Variants in CIP2A observed in about 807,000 individuals in gnomAD.
The protein encoded by CIP2A is protein CIP2A.
A neutral mutation model predicts 110.9 loss-of-function variants in CIP2A; 103 were observed. That is an observed-to-expected ratio of 0.93 (90% confidence interval 0.79 to 1.09). The LOEUF (loss-of-function observed/expected upper bound fraction) is 1.09, where lower values mean the gene tolerates loss of function less well. Ranked by LOEUF, CIP2A falls within the 50% of genes least tolerant of loss-of-function variation. The pLI, the probability that CIP2A is intolerant of heterozygous loss-of-function variation, is 0.00. For synonymous variants in CIP2A, 381 were observed against 361.6 expected, an observed-to-expected ratio of 1.05 and a Z score of -0.61; for missense variants, 1,088 against 1,038.4, an observed-to-expected ratio of 1.05 and a Z score of -0.66.
chr3:108,589,160 G>A (rs1939215733), intron 1 of CIP2A, 114 bp downstream of exon 1: 1 of 726,940 alleles, frequency 1.4e-6, no homozygotes, highest in Non-Finnish European at 2.4e-6. Context: ...GACAACAGAG[G>A]GATCGAAGGA....
Position 108,557,105 on chromosome 3 carries a change from T to G in CIP2A, c.2210+113A>C. 5.1e-6 allele frequency: 3 copies of G among 591,830 alleles called. No homozygotes were observed. The South Asian group carries it at 9.8e-5, about 19-fold the overall frequency. The allele number at this position is 591,830 out of a possible 1,614,324, so 36.7% of individuals were successfully genotyped here. A position where few individuals can be genotyped will look rare whatever the true frequency, so the allele number is the denominator to read the frequency against. On this transcript the variant is annotated intron_variant, in intron 17 of 20. Coordinates refer to ENST00000295746, the MANE Select transcript of CIP2A (RefSeq NM_020890.3). Reference sequence around the variant, plus strand: ...AGTTTCTTGCTAATTACTTACCTCATGTGTTATCAGAATATATGAAATGCT... The same window carrying G: ...AGTTTCTTGCTAATTACTTACCTCAGGTGTTATCAGAATATATGAAATGCT...
rs899305513 is a variant in CIP2A, at chr3:108,550,258, T to C, written c.*891A>G. 8.6e-5 allele frequency: 13 copies of C among 151,500 alleles called. No homozygotes were observed. Among genetic ancestry groups the C allele is most frequent in the Non-Finnish European group, 1.6e-4 (11 of 67,684 alleles). The allele number at this position is 151,500 out of a possible 1,614,324, so 9.4% of individuals were successfully genotyped here. A position where few individuals can be genotyped will look rare whatever the true frequency, so the allele number is the denominator to read the frequency against. ...ATTTAACCTATGCTTTAAAATTAAA[T>C]GAACCAATTAAAAACTATTAGGACA... is the stretch of plus-strand genomic sequence containing the variant. On this transcript the variant is annotated 3_prime_UTR_variant, in exon 21 of 21. Transcript: ENST00000295746.
chr3:108,577,378 A>C (rs1332611013), intron 7 of CIP2A, among the ~76,000 whole-genome samples: 1 of 152,174 alleles, frequency 6.6e-6, no homozygotes, highest in Non-Finnish European at 1.5e-5. Flanking sequence ...GAGAGGAGCA[A>C]CTGCTTCAGA....
At position 108,569,897 on chromosome 3, in the gene CIP2A, T is replaced by G. The variant is rs898656084; in HGVS notation, c.895-290A>C. On this transcript the variant is annotated intron_variant, in intron 8 of 20. Coordinates refer to ENST00000295746, the MANE Select transcript of CIP2A (RefSeq NM_020890.3). ...TCCCACTCCTTCCATAGTACTTAAATTATTTTTAAACAGAAACCTGTTTTG... is the reference window on the plus strand; with the variant it reads ...TCCCACTCCTTCCATAGTACTTAAAGTATTTTTAAACAGAAACCTGTTTTG... Among the ~76,000 whole-genome samples the G allele has an allele frequency of 5.9e-5, 9 of 152,026 alleles. 1 individual carries two copies. The South Asian group carries it at 6.2e-4, about 10-fold the overall frequency.
intron 2 of CIP2A, chr3:108,584,805 A>C: frequency 3.3e-6 from 1 of 307,250 alleles, no homozygotes; most frequent in East Asian, 5.4e-5. Context: ...TTAAGAACTA[A>C]AGAAATGGGG....
chr3:108,576,393 A>T lies in CIP2A; in HGVS notation c.819-47T>A, dbSNP rs781167758. 10 of 996,888 alleles carry T rather than the reference A, an allele frequency of 1.0e-5. No individual in the cohort carries two copies. The African/African-American group carries it at 1.3e-4, about 13-fold the overall frequency. 61.8% of individuals were successfully genotyped at this position (996,888 alleles called of 1,614,324 possible). On this transcript the variant is annotated intron_variant, in intron 7 of 20. Coordinates refer to ENST00000295746, the MANE Select transcript of CIP2A (RefSeq NM_020890.3). ...ACATCAAATGATAAATATAAAATTG[A>T]TACATCAAAAGGGATTTATCTACAA...
chr3:108,557,157 A>G (rs1937836045), intron 17 of CIP2A, 61 bp downstream of exon 17: 6 of 1,108,090 alleles, frequency 5.4e-6, no homozygotes, highest in Non-Finnish European at 7.6e-6. Flanking sequence ...GGTCTCAGAA[A>G]AGAAATGCTG....
chr3:108,576,261 T>C lies in CIP2A; in HGVS notation c.894+10A>G. Reference sequence around the variant, plus strand: ...TAAAAGTTTAAATGAAAAGTCATGTTTTTACATACCTTTGAAGAGGAATCA... The same window carrying C: ...TAAAAGTTTAAATGAAAAGTCATGTCTTTACATACCTTTGAAGAGGAATCA... On this transcript the variant is annotated intron_variant, in intron 8 of 20. Transcript: ENST00000295746. 6.6e-7 allele frequency: 1 copy of C among 1,506,138 alleles called. No homozygotes were observed. Among genetic ancestry groups the C allele is most frequent in the South Asian group, 1.3e-5 (1 of 77,436 alleles). 93.3% of individuals were successfully genotyped at this position (1,506,138 alleles called of 1,614,324 possible).
At chr3:108,573,458 TA>T (rs1486689033) in intron 8 of CIP2A, among the ~76,000 whole-genome samples, 6 of 152,022 alleles carry the variant, frequency 3.9e-5, no homozygotes, top group South Asian at 4.1e-4. Flanking sequence ...TATTTATTTT[TA>T]TTTTTTTACT....
In CIP2A at chr3:108,552,362, T is replaced by G; in HGVS notation, c.2419A>C (p.Lys807Gln). The G allele has an allele frequency of 1.3e-6, 2 of 1,530,874 alleles. No individual in the cohort carries two copies. The highest frequency in any genetic ancestry group is 2.4e-5 in the South Asian group (2 of 81,690). 94.8% of individuals were successfully genotyped at this position (1,530,874 alleles called of 1,614,324 possible). ...REHKLANLHQ[K>Q]TKVQEEKIKT... The stretch of plus-strand genomic sequence containing the variant: ...ATCTTTTCTTCTTGTACTTTTGTTT[T>G]TTGATGCAAATCTTAAAAGAAAAAA... Residue 807 changes from lysine (K) to glutamine (Q), a missense_variant, in exon 20 of 21, where the codon AAA becomes CAA. Coordinates refer to ENST00000295746, the MANE Select transcript of CIP2A (RefSeq NM_020890.3).
At position 108,568,152 on chromosome 3, in the gene CIP2A, TA is replaced by T. The variant is rs778003471; in HGVS notation, c.1273+2del. 1 of 1,610,320 alleles carries T rather than the reference TA, an allele frequency of 6.2e-7. No individual in the cohort carries two copies. Among genetic ancestry groups the T allele is most frequent in the South Asian group, 1.1e-5 (1 of 90,926 alleles). ...TTTTCACGTTAATGACAGTAAAGGATATTTAACAAAACTTCAATGGCCTTGG... is the reference window on the plus strand; with the variant it reads ...TTTTCACGTTAATGACAGTAAAGGATTTTAACAAAACTTCAATGGCCTTGG... On this transcript the variant is annotated splice_donor_variant, in intron 10 of 20. Coordinates refer to ENST00000295746, the MANE Select transcript of CIP2A (RefSeq NM_020890.3). LOFTEE classifies it high-confidence loss of function.
chr3:108,559,718 T>C, intron 16 of CIP2A, 39 bp downstream of exon 16: 1 of 1,227,354 alleles, frequency 8.1e-7, no homozygotes, highest in East Asian at 2.5e-5. Flanking sequence ...TACTTATTAA[T>C]TTTTCTACAA....
chr3:108,554,516 A>G (rs771573969), intron 17 of CIP2A, 27 bp from the exon 18 acceptor site: 2 of 946,748 alleles, frequency 2.1e-6, no homozygotes, highest in Non-Finnish European at 3.3e-6. Flanking sequence ...ATGAGTTGGC[A>G]TCATTATGGA....
chr3:108,551,369 T>C, intron 20 of CIP2A, 50 bp from the exon 21 acceptor site: 2 of 1,400,592 alleles, frequency 1.4e-6, no homozygotes, highest in Non-Finnish European at 1.9e-6. Context: ...GAAAAATAAC[T>C]TTAATGTTTT....
chr3:108,560,165 AAGTCAC>A, intron 14 of CIP2A, 137 bp from the exon 15 acceptor site: 1 of 598,406 alleles, frequency 1.7e-6, no homozygotes, highest in Non-Finnish European at 3.0e-6. Context: ...TACATCAGGT[AAGTCAC>A]AAATATTTCT....
In CIP2A at chr3:108,585,123, T is replaced by C. The variant is rs1349581507; in HGVS notation, c.192A>G (p.Glu64=). Residue 64 remains glutamate, a synonymous_variant, in exon 2 of 21, where the codon GAA becomes GAG. Coordinates refer to ENST00000295746, the MANE Select transcript of CIP2A (RefSeq NM_020890.3). ...ECLSCLVELL[E]DPNISASLIL... is the part of the protein sequence containing the mutation. ...TCAGTGAAGCACTTATGTTGGGGTC[T>C]TCAAGTAGCTCTACAAGGCAACTCA... The C allele has an allele frequency of 6.2e-7, 1 of 1,613,536 alleles. No individual in the cohort carries two copies. Among genetic ancestry groups the C allele is most frequent in the African/African-American group, 1.3e-5 (1 of 74,930 alleles).
In CIP2A at chr3:108,565,474, T is replaced by C; in HGVS notation, c.1416-20A>G. 1 of 1,354,900 alleles carries C rather than the reference T, an allele frequency of 7.4e-7. No homozygotes were observed. Among genetic ancestry groups the C allele is most frequent in the Non-Finnish European group, 1.0e-6 (1 of 968,642 alleles). The allele number at this position is 1,354,900 out of a possible 1,614,324, so 83.9% of individuals were successfully genotyped here. ...AGTTTGCTTTAAAGATAAATCACAT[T>C]TAAATTAGATAACTGAAAAATTTCT... On this transcript the variant is annotated intron_variant, in intron 11 of 20. Coordinates refer to ENST00000295746, the MANE Select transcript of CIP2A (RefSeq NM_020890.3).
rs749420545 is a variant in CIP2A, at chr3:108,560,043, T to C, written c.1828-15A>G. On this transcript the variant is annotated splice_polypyrimidine_tract_variant and intron_variant, in intron 14 of 20. Coordinates refer to ENST00000295746, the MANE Select transcript of CIP2A (RefSeq NM_020890.3). ...TGATCCTTTACCTACATTTTAAGAG[T>C]AAAAAAACTTAAAATTTTAATAAAA... 7.0e-7 allele frequency: 1 copy of C among 1,430,412 alleles called. No individual in the cohort carries two copies. Among genetic ancestry groups the C allele is most frequent in the Admixed American group, 1.9e-5 (1 of 51,530 alleles). 88.6% of individuals were successfully genotyped at this position (1,430,412 alleles called of 1,614,324 possible). A position where few individuals can be genotyped will look rare whatever the true frequency, so the allele number is the denominator to read the frequency against.
rs1938261471 is a variant in CIP2A at position 108,568,424 on chromosome 3, A to G, written c.1114-110T>C. On this transcript the variant is annotated intron_variant, in intron 9 of 20. Transcript: ENST00000295746. ...CTTTAAATTTTTTATATTTCCTTCA[A>G]TATGCCATTGACCTAAGTCTCCTGT... 9 of 815,188 alleles carry G rather than the reference A, an allele frequency of 1.1e-5. No homozygotes were observed. The East Asian group carries it at 2.0e-4, about 18-fold the overall frequency. The allele number at this position is 815,188 out of a possible 1,614,324, so 50.5% of individuals were successfully genotyped here. A position where few individuals can be genotyped will look rare whatever the true frequency, so the allele number is the denominator to read the frequency against.
Sources: allele counts gnomAD v4.1 joint callset (sites outside exome capture counted in the v4.1 genomes callset), GRCh38; gene constraint gnomAD v4.1.1; transcripts MANE v1.5; gene names NCBI Gene and HGNC (gene_info 2026-07-23, HGNC 2026-07-21).